The following CACNA1A variants were observed in gnomAD, a reference collection of about 807,000 sequenced individuals.
CACNA1A encodes calcium voltage-gated channel subunit alpha1 A.
Under a neutral mutation model 262.4 loss-of-function variants are expected in CACNA1A, and 57 were observed. The observed-to-expected ratio is 0.22, with a 90% CI of 0.18 to 0.27. The LOEUF (loss-of-function observed/expected upper bound fraction) is 0.27, where lower values mean the gene tolerates loss of function less well. Among genes scored for constraint, CACNA1A ranks in the 10% least tolerant of loss-of-function variants. The pLI is 1.00. For synonymous variants in CACNA1A, 1,431 were observed against 1,419.3 expected (o/e 1.01, Z -0.18); for missense variants, 2,526 against 3,562.8 (o/e 0.71, Z 7.41).
At chr19:13,215,863 C>A (rs1245788822) in intron 38 of CACNA1A, among the ~76,000 whole-genome samples, 2 of 152,096 alleles carry the variant, frequency 1.3e-5, no homozygotes, top group Admixed American at 6.6e-5. Context: ...CTGCAGTGAC[C>A]CATCTGTTCA....
At chr19:13,247,481 C>T (rs549638922) in intron 30 of CACNA1A, among the ~76,000 whole-genome samples, 2 of 152,198 alleles carry the variant, frequency 1.3e-5, no homozygotes, top group South Asian at 4.1e-4. Flanking sequence ...ATCACGAGGT[C>T]AGGAGATCAA....
At chr19:13,226,780 G>A (rs1160044292) in intron 37 of CACNA1A, among the ~76,000 whole-genome samples, 1 of 152,196 alleles carries the variant, frequency 6.6e-6, no homozygotes, top group Non-Finnish European at 1.5e-5. Context: ...GTCCAGCTGC[G>A]GCCGCCTGCC....
rs61178346 is a variant in CACNA1A at position 13,212,827 on chromosome 19, T to TACAC, written c.5941-91_5941-88dup. The TACAC allele has an allele frequency of 0.02, 10,146 of 513,078 alleles. 24 individuals are homozygous for TACAC. Among genetic ancestry groups the TACAC allele is most frequent in the East Asian group, 0.062 (1,911 of 30,620 alleles). 31.8% of individuals were successfully genotyped at this position (513,078 alleles called of 1,614,324 possible). A position where few individuals can be genotyped will look rare whatever the true frequency, so the allele number is the denominator to read the frequency against. On this transcript the variant is annotated intron_variant, in intron 40 of 46. Coordinates refer to ENST00000360228, the MANE Select transcript of CACNA1A (RefSeq NM_001127222.2). The surrounding 1 kb of genome is among the most constrained non-coding windows in gnomAD (Gnocchi z 5.6). ...AGAAGGCATTGCGACATCCCCAGTA[T>TACAC]ACACACACACACACACACACACTCT...
intron 3 of CACNA1A, among the ~76,000 whole-genome samples, chr19:13,422,435 G>A (rs1370597734): frequency 6.6e-6 from 1 of 152,200 alleles, no homozygotes; most frequent in Admixed American, 6.5e-5. Flanking sequence ...CACCTTGAGA[G>A]GACTTGACAA....
intron 3 of CACNA1A, among the ~76,000 whole-genome samples, chr19:13,388,239 CCTCTT>C (rs1555778670): frequency 7.1e-6 from 1 of 140,152 alleles, no homozygotes; most frequent in South Asian, 2.2e-4. Context: ...ACGATTTCTT[CCTCTT>C]CTTTTTTTTT....
intron 1 of CACNA1A, among the ~76,000 whole-genome samples, chr19:13,487,580 C>T (rs1027534543): frequency 6.6e-6 from 1 of 151,692 alleles, no homozygotes; most frequent in Non-Finnish European, 1.5e-5. Context: ...GGTTGCACAA[C>T]ACTGAGTGTA....
At chr19:13,497,136 C>A (rs375334256) in intron 1 of CACNA1A, among the ~76,000 whole-genome samples, 3 of 151,954 alleles carry the variant, frequency 2.0e-5, no homozygotes, top group Non-Finnish European at 4.4e-5. Context: ...TCTCAGAATA[C>A]AAGCAGGACC....
At chr19:13,268,376 C>G (rs1421311129) in intron 24 of CACNA1A, among the ~76,000 whole-genome samples, 1 of 152,068 alleles carries the variant, frequency 6.6e-6, no homozygotes, top group South Asian at 2.1e-4. Context: ...TGGCGGAAAC[C>G]CTGTCGCCAA....
At chr19:13,382,009 T>C (rs1379872827) in intron 3 of CACNA1A, among the ~76,000 whole-genome samples, 1 of 151,720 alleles carries the variant, frequency 6.6e-6, no homozygotes, top group Non-Finnish European at 1.5e-5. Context: ...AGCTGGGAGA[T>C]TGAGGAGGAG....
chr19:13,497,675 C>T lies in CACNA1A; in HGVS notation c.293+8257G>A, dbSNP rs1464149830. ...GGAGGATCGCTTGAGCCTAGGAGGT[C>T]GAGGCTATAGTGAGCCATGATCATG... On this transcript the variant is annotated intron_variant, in intron 1 of 46. Transcript: ENST00000360228. 6.6e-5 allele frequency among the ~76,000 whole-genome samples: 9 copies of T among 135,560 alleles called. No homozygotes were observed. In the East Asian group the frequency reaches 1.3e-3, roughly 20 times the overall value. The allele number at this position is 135,560 out of a possible 152,430, so 88.9% of individuals were successfully genotyped here.
chr19:13,402,779 CATATATATACATATAT>C (rs1568610507), intron 3 of CACNA1A, among the ~76,000 whole-genome samples: 159 of 124,474 alleles, frequency 1.3e-3, no homozygotes, highest in African/African-American at 5.2e-3. Flanking sequence ...CATATATATA[CATATATATACATATAT>C]ACACACATAT....
intron 3 of CACNA1A, among the ~76,000 whole-genome samples, chr19:13,391,044 T>C (rs1186137825): frequency 6.6e-6 from 1 of 152,012 alleles, no homozygotes; most frequent in Non-Finnish European, 1.5e-5. Context: ...GTGACACCAT[T>C]CCTGGCTAAT....
At chr19:13,481,067 C>T (rs547584893) in intron 1 of CACNA1A, among the ~76,000 whole-genome samples, 7 of 152,086 alleles carry the variant, frequency 4.6e-5, no homozygotes, top group African/African-American at 1.2e-4. Context: ...TTTTGTTACA[C>T]GGGATGATAA....
intron 3 of CACNA1A, among the ~76,000 whole-genome samples, chr19:13,432,074 C>T (rs1230058481): frequency 3.6e-5 from 5 of 138,040 alleles, no homozygotes; most frequent in Non-Finnish European, 7.6e-5. Context: ...CACTGCACTC[C>T]AGCCTAGCAA....
Position 13,241,631 on chromosome 19 carries a change from A to C in CACNA1A, c.4950+3551T>G. The C allele has an allele frequency of 2.0e-6, 1 of 502,850 alleles. No individual in the cohort carries two copies. Among genetic ancestry groups the C allele is most frequent in the Non-Finnish European group, 3.8e-6 (1 of 264,370 alleles). The allele number at this position is 502,850 out of a possible 1,614,324, so 31.1% of individuals were successfully genotyped here. A position where few individuals can be genotyped will look rare whatever the true frequency, so the allele number is the denominator to read the frequency against. On this transcript the variant is annotated intron_variant, in intron 31 of 46. Transcript: ENST00000360228. The surrounding 1 kb of genome is among the most constrained non-coding windows in gnomAD (Gnocchi z 4.0). ...ATTTGTAACCAGTGCCAAAAAACCA[A>C]TGGGTTTCGGTTCCCGGGCGGGGAG...
intron 38 of CACNA1A, among the ~76,000 whole-genome samples, chr19:13,215,476 C>T (rs1303407736): frequency 6.6e-5 from 10 of 151,648 alleles, no homozygotes; most frequent in African/African-American, 1.5e-4. Context: ...TGCACCACCA[C>T]GCCCAACTAA....
intron 28 of CACNA1A, 23 bp downstream of exon 28, chr19:13,257,327 A>C: frequency 6.2e-7 from 1 of 1,600,170 alleles, no homozygotes; most frequent in Non-Finnish European, 8.6e-7. Context: ...TTTTTAAAGG[A>C]CAGATGGAAT....
At chr19:13,209,115 C>T in intron 45 of CACNA1A, 106 bp from the exon 46 acceptor site, 1 of 1,477,676 alleles carries the variant, frequency 6.8e-7, no homozygotes, top group Non-Finnish European at 9.1e-7. Flanking sequence ...CCTAGAGATC[C>T]CCTGAACCGA....
At chr19:13,338,785 G>A (rs1313811101) in intron 6 of CACNA1A, among the ~76,000 whole-genome samples, 3 of 152,180 alleles carry the variant, frequency 2.0e-5, no homozygotes, top group Non-Finnish European at 4.4e-5. Context: ...TTACATGGAT[G>A]TGTTTAGTTT....
Sources: gnomAD v4.1 joint callset for allele counts (sites outside exome capture counted in the v4.1 genomes callset) on GRCh38, gnomAD v4.1.1 for gene constraint, Gnocchi (gnomAD v3.1) non-coding constraint, MANE v1.5 for transcripts, NCBI Gene and HGNC (gene_info 2026-07-23, HGNC 2026-07-21) for gene names.